TCF25: variants seen among roughly 807,000 people sequenced by gnomAD.
TCF25 encodes TCF25 ribosome quality control complex subunit, also known as ribosome quality control complex subunit TCF25.
In TCF25, 41 loss-of-function variants were observed where a neutral mutation model predicts 83.1. The observed-to-expected ratio is 0.49, with a 90% CI of 0.38 to 0.64. The LOEUF (loss-of-function observed/expected upper bound fraction) is 0.64, where lower values mean the gene tolerates loss of function less well. Ranked by LOEUF, TCF25 falls within the 30% of genes least tolerant of loss-of-function variation. The pLI is 0.00. For synonymous variants in TCF25, 458 were observed against 365.0 expected (o/e 1.25, Z -2.90); for missense variants, 979 against 914.5 (o/e 1.07, Z -0.91).
At position 89,906,299 on chromosome 16, in the gene TCF25, C is replaced by G; in HGVS notation, c.1719+15C>G. The stretch of plus-strand genomic sequence containing the variant: ...CCCTGCCCCCGGTAAGGGAGAAAGG[C>G]TGAAATGGGAGCTCTGTGTAAGCCG... On this transcript the variant is annotated intron_variant, in intron 15 of 17. Coordinates refer to ENST00000263346, the MANE Select transcript of TCF25 (RefSeq NM_014972.3). 2 of 1,611,286 alleles carry G rather than the reference C, an allele frequency of 1.2e-6. No homozygotes were observed. The highest frequency in any genetic ancestry group is 2.2e-5 in the South Asian group (2 of 90,832).
intron 4 of TCF25, among the ~76,000 whole-genome samples, chr16:89,887,304 A>T (rs1052046191): frequency 6.9e-6 from 1 of 145,076 alleles, no homozygotes; most frequent in African/African-American, 2.5e-5. Flanking sequence ...TTGCCAGCTT[A>T]AAAAAAAAAA....
intron 5 of TCF25, among the ~76,000 whole-genome samples, chr16:89,888,208 A>G (rs749033552): frequency 4.3e-4 from 65 of 151,902 alleles, no homozygotes; most frequent in African/African-American, 1.5e-3. Context: ...AGAGGTTGCA[A>G]TGAGCTGAGA....
chr16:89,895,373 AT>A (rs2043768272), intron 8 of TCF25, among the ~76,000 whole-genome samples: 1 of 152,028 alleles, frequency 6.6e-6, no homozygotes, highest in Admixed American at 6.6e-5. Context: ...GACCTGGCTA[AT>A]TTTTTGTATT....
chr16:89,908,494 C>G (rs2045197779), intron 16 of TCF25, among the ~76,000 whole-genome samples: 1 of 144,380 alleles, frequency 6.9e-6, no homozygotes, highest in Non-Finnish European at 1.5e-5. Context: ...CACCTCTTTC[C>G]TCGCAGTTCC....
intron 15 of TCF25, 124 bp from the exon 16 acceptor site, chr16:89,907,119 T>G (rs2044857153): frequency 1.0e-6 from 1 of 964,534 alleles, no homozygotes; most frequent in Non-Finnish European, 1.6e-6. Flanking sequence ...TCTGTCAGAC[T>G]CTGTGGCTAT....
intron 12 of TCF25, among the ~76,000 whole-genome samples, chr16:89,901,199 G>T (rs1000513403): frequency 1.3e-5 from 2 of 152,242 alleles, no homozygotes; most frequent in Non-Finnish European, 2.9e-5. Flanking sequence ...GGCCTGTGCC[G>T]CCCAGATGGA....
At chr16:89,894,263 G>A (rs1240343068) in intron 7 of TCF25, among the ~76,000 whole-genome samples, 14 of 148,204 alleles carry the variant, frequency 9.4e-5, no homozygotes, top group East Asian at 2.0e-4. Flanking sequence ...CGGCCCCCGC[G>A]CAGCCCCAGA....
chr16:89,884,541 T>A (rs1212313640), intron 2 of TCF25, 41 bp from the exon 3 acceptor site: 1 of 1,602,780 alleles, frequency 6.2e-7, no homozygotes, highest in Non-Finnish European at 8.5e-7. Flanking sequence ...TCTTAAGATT[T>A]ACTTCTCATT....
intron 17 of TCF25, 74 bp from the exon 18 acceptor site, chr16:89,911,006 G>C: frequency 6.3e-7 from 1 of 1,584,846 alleles, no homozygotes; most frequent in South Asian, 1.1e-5. Context: ...GCTCCACAGT[G>C]CCTCCTGCTT....
At chr16:89,904,271 A>G in intron 13 of TCF25, 66 bp downstream of exon 13, 5 of 1,523,858 alleles carry the variant, frequency 3.3e-6, no homozygotes, top group Non-Finnish European at 4.5e-6. Context: ...AGCCATTTTC[A>G]CTCATCCTGA....
chr16:89,910,725 C>A, intron 17 of TCF25, 62 bp downstream of exon 17: 3 of 1,531,044 alleles, frequency 2.0e-6, no homozygotes, highest in Non-Finnish European at 1.8e-6. Flanking sequence ...CATTCCAGTG[C>A]GAATGCCTGG....
intron 16 of TCF25, among the ~76,000 whole-genome samples, chr16:89,907,797 TC>T (rs1251204165): frequency 0.015 from 138 of 9,250 alleles, 21 homozygotes; most frequent in Middle Eastern, 0.036. Context: ...ACCTCCCAGC[TC>T]CCACCTCCCA....
chr16:89,873,701 G>A lies in TCF25; in HGVS notation c.34G>A (p.Glu12Lys), dbSNP rs760576413. 10 of 1,609,422 alleles carry A rather than the reference G, an allele frequency of 6.2e-6. No homozygotes were observed. The highest frequency in any genetic ancestry group is 3.3e-5 in the South Asian group (3 of 90,616). Residue 12 changes from glutamate to lysine, a missense_variant, in exon 1 of 18, where the codon GAA (glutamate) becomes AAA (lysine). Physicochemically the swap from Glu to Lys is moderately conservative, Grantham distance 56. Transcript: ENST00000263346. ...SRRALRRLRG[E>K]QRGQEPLGPG... is the part of the protein sequence containing the mutation. The stretch of plus-strand genomic sequence containing the variant: ...CCGGGCCCTCCGGAGGCTGAGGGGG[G>A]AACAGCGCGGCCAGGAGCCCCTCGG...
chr16:89,900,494 A>T, intron 11 of TCF25, 141 bp from the exon 12 acceptor site: 1 of 891,190 alleles, frequency 1.1e-6, no homozygotes, highest in Non-Finnish European at 1.6e-6. Context: ...CTTTATGCTG[A>T]GTTAGGAAGA....
Position 89,890,826 on chromosome 16 carries a change from C to T in TCF25, c.615-1367C>T, listed in dbSNP as rs537367247. 6.6e-5 allele frequency among the ~76,000 whole-genome samples: 10 copies of T among 152,066 alleles called. 1 individual carries two copies. The East Asian group carries it at 1.5e-3, about 23-fold the overall frequency. ...GTAGTAATTAGTTGACAATAATTGC[C>T]TTTATTATTTTTATAGTATTATTAA... On this transcript the variant is annotated intron_variant, in intron 5 of 17. Coordinates refer to ENST00000263346, the MANE Select transcript of TCF25 (RefSeq NM_014972.3).
chr16:89,899,830 C>T (rs1346630699), intron 11 of TCF25, among the ~76,000 whole-genome samples: 1 of 152,220 alleles, frequency 6.6e-6, no homozygotes, highest in Non-Finnish European at 1.5e-5. Flanking sequence ...CGCTAACCTC[C>T]AGCAGGGCCT....
chr16:89,893,480 G>A lies in TCF25; in HGVS notation c.698-248G>A, dbSNP rs78258966. On this transcript the variant is annotated intron_variant, in intron 6 of 17. Coordinates refer to ENST00000263346, the MANE Select transcript of TCF25 (RefSeq NM_014972.3). Reference sequence around the variant, plus strand: ...GGCCAGTGGGGCTAGAGCTGTATCCGAGTTCTGGAGGCAAACACGTCTTGA... The same window carrying A: ...GGCCAGTGGGGCTAGAGCTGTATCCAAGTTCTGGAGGCAAACACGTCTTGA... Among the ~76,000 whole-genome samples, 1,119 of 152,340 alleles carry A rather than the reference G, an allele frequency of 7.3e-3. 8 individuals are homozygous for A. Among genetic ancestry groups the A allele is most frequent in the Admixed American group, 0.018 (270 of 15,304 alleles).
At chr16:89,883,578 A>G in intron 2 of TCF25, 66 bp downstream of exon 2, 3 of 1,488,952 alleles carry the variant, frequency 2.0e-6, no homozygotes, top group South Asian at 1.2e-5. Flanking sequence ...AGCCACGTGT[A>G]TCCTGTGCTG....
chr16:89,894,676 T>TTTTTG (rs1597334497), intron 7 of TCF25, among the ~76,000 whole-genome samples: 1 of 152,202 alleles, frequency 6.6e-6, no homozygotes, highest in East Asian at 1.9e-4. Flanking sequence ...TTTGTTTTTG[T>TTTTTG]TTTTGGAGTC....
Sources: gnomAD v4.1 joint callset for allele counts (sites outside exome capture counted in the v4.1 genomes callset) on GRCh38, gnomAD v4.1.1 for gene constraint, MANE v1.5 for transcripts, NCBI Gene and HGNC (gene_info 2026-07-23, HGNC 2026-07-21) for gene names.